Variants in CCSER1 observed in about 807,000 individuals in gnomAD.
CCSER1 encodes coiled-coil serine rich protein 1.
CCSER1 carries 41 observed loss-of-function variants against 82.0 expected under a neutral mutation model. That is an observed-to-expected ratio of 0.50 (90% CI 0.39 to 0.65). The LOEUF is 0.65. Among genes scored for constraint, CCSER1 ranks in the 30% least tolerant of loss-of-function variants. The pLI is 0.00. For missense variants in CCSER1, 1,119 were observed against 1,064.2 expected, an observed-to-expected ratio of 1.05 and a Z score of -0.72; for synonymous variants, 414 against 383.9, an observed-to-expected ratio of 1.08 and a Z score of -0.92.
intron 8 of CCSER1, among the ~76,000 whole-genome samples, chr4:90,870,337 A>G (rs1580856216): frequency 6.6e-6 from 1 of 151,940 alleles, no homozygotes; most frequent in African/African-American, 2.4e-5. Flanking sequence ...TCTGTTATAT[A>G]TAGCTTAAAT....
intron 10 of CCSER1, among the ~76,000 whole-genome samples, chr4:91,218,385 T>C (rs1221073878): frequency 6.6e-6 from 1 of 152,126 alleles, no homozygotes; most frequent in Non-Finnish European, 1.5e-5. Context: ...GGGAGTGGGC[T>C]CCAGCCTTGG....
chr4:90,354,044 A>G (rs997584265), intron 3 of CCSER1, among the ~76,000 whole-genome samples: 3 of 152,346 alleles, frequency 2.0e-5, no homozygotes, highest in African/African-American at 7.2e-5. Flanking sequence ...GAAACATTCT[A>G]TATGTGCACC....
intron 10 of CCSER1, among the ~76,000 whole-genome samples, chr4:91,440,182 A>G (rs560467780): frequency 2.6e-5 from 4 of 152,156 alleles, no homozygotes; most frequent in Admixed American, 6.5e-5. Context: ...GCAGCACACC[A>G]TGCCTATTCC....
At chr4:91,322,264 C>CAG (rs906390023) in intron 10 of CCSER1, among the ~76,000 whole-genome samples, 1 of 152,038 alleles carries the variant, frequency 6.6e-6, no homozygotes, top group Non-Finnish European at 1.5e-5. Context: ...TGTCCCTTGA[C>CAG]AGAGAGAGGT....
chr4:91,085,559 A>G (rs1201470589), intron 9 of CCSER1, among the ~76,000 whole-genome samples: 1 of 152,040 alleles, frequency 6.6e-6, no homozygotes, highest in Non-Finnish European at 1.5e-5. Context: ...GTCTTTTATC[A>G]ATCTGACTTT....
At chr4:90,519,640 A>T (rs1772808411) in intron 5 of CCSER1, among the ~76,000 whole-genome samples, 1 of 151,994 alleles carries the variant, frequency 6.6e-6, no homozygotes, top group African/African-American at 2.4e-5. Flanking sequence ...ATTGAGAAAA[A>T]TAATGTAACT....
At chr4:90,875,717 A>T (rs1433833211) in intron 8 of CCSER1, among the ~76,000 whole-genome samples, 1 of 152,190 alleles carries the variant, frequency 6.6e-6, no homozygotes, top group Non-Finnish European at 1.5e-5. Flanking sequence ...CTTTAATTTG[A>T]TGCATTATGC....
chr4:90,981,214 T>A (rs979188163), intron 9 of CCSER1, among the ~76,000 whole-genome samples: 5 of 151,832 alleles, frequency 3.3e-5, no homozygotes, highest in African/African-American at 4.8e-5. Context: ...CAATGCAAAC[T>A]TTATTTCTTT....
intron 3 of CCSER1, among the ~76,000 whole-genome samples, chr4:90,314,444 T>C (rs886919561): frequency 3.3e-5 from 5 of 152,184 alleles, no homozygotes; most frequent in African/African-American, 4.8e-5. Flanking sequence ...GAGAGGCATT[T>C]ATATTAATAG....
Position 91,604,496 on chromosome 4 carries a change from G to A in CCSER1, c.*5439G>A, listed in dbSNP as rs1560796359. On this transcript the variant is annotated 3_prime_UTR_variant, in exon 11 of 11. Transcript: ENST00000509176. The stretch of plus-strand genomic sequence containing the variant: ...ACATTCTAATTTTCTTCTCTTGAAA[G>A]CAATTAGAAAAAATGCTAAGAAATG... 6.6e-6 allele frequency: 1 copy of A among 152,056 alleles called. No homozygotes were observed. The highest frequency in any genetic ancestry group is 6.6e-5 in the Admixed American group (1 of 15,262). 9.4% of individuals were successfully genotyped at this position (152,056 alleles called of 1,614,324 possible).
At chr4:90,538,468 A>G (rs1050491909) in intron 5 of CCSER1, among the ~76,000 whole-genome samples, 2 of 152,064 alleles carry the variant, frequency 1.3e-5, no homozygotes, top group African/African-American at 4.8e-5. Flanking sequence ...GCCCTCAGCT[A>G]TCCTGAAAGT....
chr4:91,378,076 T>C (rs1750566633), intron 10 of CCSER1, among the ~76,000 whole-genome samples: 1 of 152,208 alleles, frequency 6.6e-6, no homozygotes, highest in East Asian at 1.9e-4. Context: ...GTGGTATTAT[T>C]TCTGAGGGCT....
At chr4:91,207,341 G>T (rs566775467) in intron 10 of CCSER1, among the ~76,000 whole-genome samples, 7 of 133,670 alleles carry the variant, frequency 5.2e-5, no homozygotes, top group Admixed American at 7.9e-5. Flanking sequence ...CCCAACAGTT[G>T]CTTTTCTTTT....
intron 10 of CCSER1, among the ~76,000 whole-genome samples, chr4:91,257,623 CTTAA>C (rs1028336439): frequency 2.0e-5 from 3 of 151,904 alleles, no homozygotes; most frequent in African/African-American, 4.8e-5. Flanking sequence ...TAAAAATTAT[CTTAA>C]TTAAGAATGA....
At chr4:90,768,585 C>T (rs1032897414) in intron 7 of CCSER1, among the ~76,000 whole-genome samples, 1 of 152,092 alleles carries the variant, frequency 6.6e-6, no homozygotes, top group African/African-American at 2.4e-5. Context: ...GTGGAAAGTG[C>T]CTTGACGGAG....
At chr4:91,320,029 G>A (rs1184708002) in intron 10 of CCSER1, among the ~76,000 whole-genome samples, 1 of 151,958 alleles carries the variant, frequency 6.6e-6, no homozygotes, top group Non-Finnish European at 1.5e-5. Flanking sequence ...TTTGTCCAGG[G>A]TATTCATGCT....
chr4:90,464,961 C>G (rs1023274981), intron 4 of CCSER1, among the ~76,000 whole-genome samples: 1 of 152,098 alleles, frequency 6.6e-6, no homozygotes, highest in Non-Finnish European at 1.5e-5. Flanking sequence ...AATGTCACAT[C>G]AGCAGTATCC....
At chr4:90,372,125 C>A (rs1747539695) in intron 3 of CCSER1, among the ~76,000 whole-genome samples, 1 of 151,962 alleles carries the variant, frequency 6.6e-6, no homozygotes, top group African/African-American at 2.4e-5. Context: ...GTACAAAAGA[C>A]TGGGGGACCT....
chr4:91,017,900 A>T (rs1027915696), intron 9 of CCSER1, among the ~76,000 whole-genome samples: 3 of 151,520 alleles, frequency 2.0e-5, no homozygotes, highest in African/African-American at 7.3e-5. Flanking sequence ...ATCATAGCTC[A>T]CTGTAGTCTT....
Sources: gnomAD v4.1 joint callset for allele counts (sites outside exome capture counted in the v4.1 genomes callset) on GRCh38, gnomAD v4.1.1 for gene constraint, MANE v1.5 for transcripts, NCBI Gene and HGNC (gene_info 2026-07-23, HGNC 2026-07-21) for gene names.